Variants in RASSF3 observed in about 807,000 individuals in gnomAD.
RASSF3 encodes ras association domain-containing protein 3.
A neutral mutation model predicts 19.9 loss-of-function variants in RASSF3; 19 were observed. The observed-to-expected ratio is 0.96, with a 90% CI of 0.67 to 1.40. The LOEUF (loss-of-function observed/expected upper bound fraction) is 1.40. RASSF3 is among the 40% of genes most tolerant of loss of function. The pLI, the probability that RASSF3 is intolerant of heterozygous loss-of-function variation, is 0.00. For missense variants in RASSF3, 306 were observed against 289.8 expected (o/e 1.06, Z -0.41); for synonymous variants, 110 against 104.2 (o/e 1.06, Z -0.34).
chr12:64,575,325 G>A (rs1175831114), intron 2 of RASSF3, among the ~76,000 whole-genome samples: 3 of 152,226 alleles, frequency 2.0e-5, no homozygotes, highest in African/African-American at 4.8e-5. Context: ...AGGCCAAGGC[G>A]GGCAGATCAT....
downstream of RASSF3, among the ~76,000 whole-genome samples, chr12:64,546,071 C>G (rs1430157118): frequency 1.4e-5 from 2 of 138,996 alleles, no homozygotes; most frequent in East Asian, 4.4e-4. Context: ...GCTCCAGCCT[C>G]CGCGACAGAG....
rs147829374 is a variant in RASSF3 at position 64,623,368 on chromosome 12, A to T, written c.111+12625A>T. The stretch of plus-strand genomic sequence containing the variant: ...GGACTTTAATTTCAGAGGAACTCTG[A>T]GATGAGAAATTTAACTAGCACGTTT... On this transcript the variant is annotated intron_variant, in intron 1 of 4. Transcript: ENST00000542104. Among the ~76,000 whole-genome samples, 397 of 152,366 alleles carry T rather than the reference A, an allele frequency of 2.6e-3. 1 individual carries two copies. The highest frequency in any genetic ancestry group is 4.3e-3 in the Non-Finnish European group (294 of 68,038).
chr12:64,643,341 CACA>C (rs1358562121), intron 1 of RASSF3, among the ~76,000 whole-genome samples: 2 of 152,060 alleles, frequency 1.3e-5, no homozygotes, highest in African/African-American at 4.8e-5. Flanking sequence ...CACAGATACT[CACA>C]ACATTTTTCA....
At chr12:64,629,985 A>G (rs1871122806) in intron 1 of RASSF3, 2 of 150,176 alleles carry the variant, frequency 1.3e-5, no homozygotes, top group South Asian at 4.2e-4. Flanking sequence ...AAAGAAAAAG[A>G]AAAAAAGAAC....
chr12:64,568,384 T>G (rs1230663257), intron 2 of RASSF3, among the ~76,000 whole-genome samples: 1 of 152,092 alleles, frequency 6.6e-6, no homozygotes, highest in African/African-American at 2.4e-5. Flanking sequence ...CATATATATA[T>G]CAGAAAATTG....
chr12:64,510,618 C>G (rs1868322575), intron 1 of RASSF3, among the ~76,000 whole-genome samples: 2 of 152,202 alleles, frequency 1.3e-5, no homozygotes, highest in South Asian at 2.1e-4. Flanking sequence ...TTAGCTGACT[C>G]TCCTGCAGCT....
intron 2 of RASSF3, among the ~76,000 whole-genome samples, chr12:64,581,636 T>C (rs12312169): frequency 0.01 from 1,555 of 152,168 alleles, 25 homozygotes; most frequent in African/African-American, 0.035. Flanking sequence ...GGAGGATTGC[T>C]TGAGCCTGGG....
intron 1 of RASSF3, among the ~76,000 whole-genome samples, chr12:64,534,926 G>A (rs188066743): frequency 3.9e-5 from 6 of 152,244 alleles, no homozygotes; most frequent in African/African-American, 1.2e-4. Context: ...AGCTTGCCTT[G>A]TAGTAAGGCA....
At chr12:64,691,644 C>T in intron 4 of RASSF3, 65 bp downstream of exon 4, 2 of 648,260 alleles carry the variant, frequency 3.1e-6, no homozygotes, top group Non-Finnish European at 4.5e-6. Flanking sequence ...ATTGCAGTAG[C>T]CTAGTGACTT....
intron 1 of RASSF3, chr12:64,622,611 C>A (rs199967481): frequency 7.2e-6 from 3 of 415,612 alleles, no homozygotes; most frequent in Non-Finnish European, 1.4e-5. Context: ...TACTTTCAGG[C>A]TTGTTGAAGC....
rs1298419376 is a variant in RASSF3, at chr12:64,696,047, T to C, written c.*1135T>C. ...TCCTTTTCCTTTCTTCCCTTTTTTC[T>C]TTCCTTCCCTGCTGTCTCCCACCCT... On this transcript the variant is annotated 3_prime_UTR_variant, in exon 5 of 5. Coordinates refer to ENST00000542104, the MANE Select transcript of RASSF3 (RefSeq NM_178169.4). 7.1e-6 allele frequency: 1 copy of C among 140,990 alleles called. No individual in the cohort carries two copies. The highest frequency in any genetic ancestry group is 2.2e-4 in the South Asian group (1 of 4,484). The allele number at this position is 140,990 out of a possible 1,614,324, so 8.7% of individuals were successfully genotyped here. A position where few individuals can be genotyped will look rare whatever the true frequency, so the allele number is the denominator to read the frequency against.
intron 1 of RASSF3, among the ~76,000 whole-genome samples, chr12:64,513,349 C>T (rs1311970037): frequency 1.3e-5 from 2 of 151,364 alleles, no homozygotes; most frequent in Admixed American, 6.6e-5. Context: ...ACTCAGGAGG[C>T]TGACGCAGAA....
chr12:64,683,243 C>CG (rs1873203887), intron 1 of RASSF3, among the ~76,000 whole-genome samples: 1 of 152,112 alleles, frequency 6.6e-6, no homozygotes, highest in South Asian at 2.1e-4. Context: ...CTGAAACTGG[C>CG]ATAATAATGC....
rs150057583 is a variant in RASSF3, at chr12:64,519,832, A to C, written c.169+12503A>C. 6.6e-5 allele frequency among the ~76,000 whole-genome samples: 10 copies of C among 152,172 alleles called. No individual in the cohort carries two copies. In the East Asian group the frequency reaches 1.9e-3, roughly 29 times the overall value. Reference sequence around the variant, plus strand: ...AGCGCATATATGTGTGTGCGTGTATATATGTGTATGTATTTATATATATAA... The same window carrying C: ...AGCGCATATATGTGTGTGCGTGTATCTATGTGTATGTATTTATATATATAA... On this transcript the variant is annotated intron_variant, in intron 1 of 5. Coordinates refer to the RASSF3 transcript ENST00000637125.
chr12:64,538,503 T>C (rs1868875684), intron 1 of RASSF3, among the ~76,000 whole-genome samples: 1 of 152,212 alleles, frequency 6.6e-6, no homozygotes, highest in African/African-American at 2.4e-5. Flanking sequence ...AATTTGACTT[T>C]CCATCTTCAG....
At chr12:64,670,645 G>A (rs1175710090) in intron 1 of RASSF3, among the ~76,000 whole-genome samples, 1 of 150,774 alleles carries the variant, frequency 6.6e-6, no homozygotes, top group East Asian at 1.9e-4. Flanking sequence ...AAGGTGTTTC[G>A]CCATTTCTGG....
chr12:64,662,044 G>A (rs1336077359), intron 1 of RASSF3, among the ~76,000 whole-genome samples: 1 of 151,444 alleles, frequency 6.6e-6, no homozygotes, highest in Non-Finnish European at 1.5e-5. Context: ...CCTTGCTCTA[G>A]ATGCTGGAGA....
intron 1 of RASSF3, among the ~76,000 whole-genome samples, chr12:64,636,939 T>G (rs1479428391): frequency 6.6e-6 from 1 of 151,818 alleles, no homozygotes; most frequent in Non-Finnish European, 1.5e-5. Context: ...GCTTGCAGTA[T>G]TATTGAGTAT....
chr12:64,629,804 A>C (rs1871112042), intron 1 of RASSF3: 1 of 151,856 alleles, frequency 6.6e-6, no homozygotes, highest in Non-Finnish European at 1.5e-5. Context: ...ATCTCTACTA[A>C]AAATACAAAA....
Sources: gnomAD v4.1 joint callset for allele counts (sites outside exome capture counted in the v4.1 genomes callset) on GRCh38, gnomAD v4.1.1 for gene constraint, MANE v1.5 for transcripts, NCBI Gene and HGNC (gene_info 2026-07-23, HGNC 2026-07-21) for gene names.